Variants in XKR5 observed in about 807,000 individuals in gnomAD.
The protein encoded by XKR5 is XK-related protein 5.
In XKR5, 46 loss-of-function variants were observed where a neutral mutation model predicts 40.8. That is an observed-to-expected ratio of 1.13 (90% CI 0.89 to 1.44). The LOEUF (loss-of-function observed/expected upper bound fraction) is 1.44. Ranked by LOEUF, XKR5 falls within the 40% of genes most tolerant of loss-of-function variation. The pLI is 0.00. For synonymous variants in XKR5, 466 were observed against 356.1 expected, an observed-to-expected ratio of 1.31 and a Z score of -3.48; for missense variants, 1,169 against 844.7, an observed-to-expected ratio of 1.38 and a Z score of -4.76.
At chr8:6,814,222 AT>A (rs1395971195) in intron 6 of XKR5, among the ~76,000 whole-genome samples, 1 of 152,206 alleles carries the variant, frequency 6.6e-6, no homozygotes, top group African/African-American at 2.4e-5. Flanking sequence ...TCAAATGATT[AT>A]TTTAAAAAGG....
chr8:6,824,792 G>A (rs560376540), intron 3 of XKR5, among the ~76,000 whole-genome samples: 1 of 152,180 alleles, frequency 6.6e-6, no homozygotes, highest in Non-Finnish European at 1.5e-5. Context: ...CAAAGTGCTG[G>A]GACTACAGGT....
intron 6 of XKR5, among the ~76,000 whole-genome samples, chr8:6,813,003 G>A (rs776213093): frequency 2.0e-5 from 3 of 152,222 alleles, no homozygotes; most frequent in Admixed American, 6.5e-5. Flanking sequence ...AGCCTCCCAC[G>A]TTATTTCCAG....
intron 2 of XKR5, among the ~76,000 whole-genome samples, chr8:6,826,285 T>C (rs973549274): frequency 1.1e-4 from 16 of 152,060 alleles, no homozygotes; most frequent in Admixed American, 3.9e-4. Flanking sequence ...TATGTGTGTA[T>C]ATTCATGTAT....
Position 6,819,840 on chromosome 8 carries a change from TC to T in XKR5, c.807+2028del, listed in dbSNP as rs1295887135. 2.8e-3 allele frequency among the ~76,000 whole-genome samples: 147 copies of T among 52,050 alleles called. 2 individuals carry two copies. The highest frequency in any genetic ancestry group is 0.019 in the East Asian group (9 of 476). 34.1% of individuals were successfully genotyped at this position (52,050 alleles called of 152,430 possible). ...TCCTCTTCCCTACCTTCCTTCCTCT[TC>T]CCTACCTTCCTTTCCTTCCTTCCTT... On this transcript the variant is annotated intron_variant, in intron 5 of 6. Transcript: ENST00000618742.
intron 2 of XKR5, among the ~76,000 whole-genome samples, chr8:6,830,142 C>T (rs1018253242): frequency 1.2e-4 from 18 of 152,232 alleles, no homozygotes; most frequent in African/African-American, 4.3e-4. Context: ...AGGCCTCAAT[C>T]CTTGCATTTT....
intron 4 of XKR5, among the ~76,000 whole-genome samples, chr8:6,822,603 G>T (rs969119548): frequency 3.3e-5 from 5 of 152,112 alleles, no homozygotes; most frequent in African/African-American, 1.2e-4. Flanking sequence ...TTCAATGTTT[G>T]CTCTAGGCCC....
intron 5 of XKR5, among the ~76,000 whole-genome samples, chr8:6,821,288 G>A (rs1048350960): frequency 2.6e-5 from 4 of 152,202 alleles, no homozygotes; most frequent in African/African-American, 4.8e-5. Flanking sequence ...CTGACGAGAG[G>A]TGATGCTGGC....
At chr8:6,816,510 C>A (rs1316563787) in intron 5 of XKR5, among the ~76,000 whole-genome samples, 1 of 151,970 alleles carries the variant, frequency 6.6e-6, no homozygotes, top group Admixed American at 6.6e-5. Flanking sequence ...CTTTGTACGC[C>A]CATCTGGGTC....
chr8:6,818,002 A>T (rs1479409084), intron 5 of XKR5, among the ~76,000 whole-genome samples: 1 of 152,066 alleles, frequency 6.6e-6, no homozygotes, highest in African/African-American at 2.4e-5. Flanking sequence ...AAGCCCCCGG[A>T]TGTTCCTCCT....
At chr8:6,815,762 A>G in intron 6 of XKR5, 45 bp downstream of exon 6, 1 of 1,364,764 alleles carries the variant, frequency 7.3e-7, no homozygotes, top group Non-Finnish European at 1.0e-6. Context: ...AAAAAAAAAT[A>G]CGTTGGGGAG....
rs377142028 is a variant in XKR5, at chr8:6,823,575, G to C, written c.583C>G (p.Leu195Val). 1.9e-6 allele frequency: 3 copies of C among 1,596,810 alleles called. No individual in the cohort carries two copies. Among genetic ancestry groups the C allele is most frequent in the Admixed American group, 3.5e-5 (2 of 57,462 alleles). ...GCTTTGTAGAACAGAACCAGACTCA[G>C]CACGCGGGTTCCCAACATGCCCATC... ...WRMGMLGTRV[L>V]SLVLFYKAYH... The change falls in exon 4 of 7, where the codon CTG (leucine) becomes GTG (valine). Residue 195 changes from leucine (L) to valine (V), a missense_variant. Leu to Val is a conservative substitution (Grantham distance 32, BLOSUM62 1). Transcript: ENST00000618742.
At chr8:6,822,281 G>C (rs1190644626) in intron 4 of XKR5, among the ~76,000 whole-genome samples, 1 of 152,210 alleles carries the variant, frequency 6.6e-6, no homozygotes. Context: ...ACACAAGAAA[G>C]AGTAGCTTCA....
chr8:6,823,306 C>G (rs1338089817), intron 4 of XKR5, among the ~76,000 whole-genome samples: 1 of 152,194 alleles, frequency 6.6e-6, no homozygotes, highest in East Asian at 1.9e-4. Context: ...CATTGCAATT[C>G]TCAGCTGCTA....
At position 6,825,165 on chromosome 8, in the gene XKR5, C is replaced by T. The variant is rs375324985; in HGVS notation, c.427G>A (p.Gly143Arg). The T allele has an allele frequency of 3.7e-6, 6 of 1,613,476 alleles. No individual in the cohort carries two copies. The African/African-American group carries it at 8.0e-5, about 22-fold the overall frequency. Reference sequence around the variant, plus strand: ...GTGCTCTGTGGTGACAGTTACTCACCTGGCACAATATCTGTGAAGTCTGAG... The same window carrying T: ...GTGCTCTGTGGTGACAGTTACTCACTTGGCACAATATCTGTGAAGTCTGAG... ...LASDFTDIVP[G>R]VSTLFSWSSL... The change falls in exon 3 of 7, where the codon GGG becomes AGG. Residue 143 changes from glycine to arginine, a missense_variant and splice_region_variant. Physicochemically the swap from Gly to Arg is moderately radical, Grantham distance 125. Transcript: ENST00000618742.
rs1475039170 is a variant in XKR5 at position 6,811,780 on chromosome 8, A to T, written c.1479T>A (p.Asp493Glu). ...TCTGGGTAGGTGCTTCATCCTGCTG[A>T]TCGCTGGCAAAAGATACGTAACTTG... ...ETSSYVSFAS[D>E]QQDEAPTQNP... Residue 493 changes from aspartate (D) to glutamate (E), a missense_variant, in exon 7 of 7, where the codon GAT (aspartate) becomes GAA (glutamate). Coordinates refer to ENST00000618742, the MANE Select transcript of XKR5 (RefSeq NM_207411.5). 1 of 1,537,548 alleles carries T rather than the reference A, an allele frequency of 6.5e-7. No homozygotes were observed. Among genetic ancestry groups the T allele is most frequent in the South Asian group, 1.2e-5 (1 of 84,058 alleles).
chr8:6,817,938 T>G (rs1804037446), intron 5 of XKR5, among the ~76,000 whole-genome samples: 1 of 152,168 alleles, frequency 6.6e-6, no homozygotes, highest in African/African-American at 2.4e-5. Context: ...CACACTCACA[T>G]TTACGATCCC....
chr8:6,825,542 G>A (rs893327775), intron 2 of XKR5, among the ~76,000 whole-genome samples, 193 bp from the exon 3 acceptor site: 1 of 151,504 alleles, frequency 6.6e-6, no homozygotes, highest in Non-Finnish European at 1.5e-5. Context: ...AGTTCCCCGA[G>A]TCCTGTGGTG....
intron 6 of XKR5, among the ~76,000 whole-genome samples, chr8:6,815,419 G>C (rs1803911072): frequency 6.6e-6 from 1 of 152,108 alleles, no homozygotes; most frequent in Non-Finnish European, 1.5e-5. Context: ...TCCTCTGCTA[G>C]GGCACCCACT....
rs892103988 is a variant in XKR5 at position 6,809,229 on chromosome 8, T to C, written c.*1969A>G. The C allele has an allele frequency of 2.0e-5, 3 of 152,186 alleles. No individual in the cohort carries two copies. The highest frequency in any genetic ancestry group is 7.2e-5 in the African/African-American group (3 of 41,412). 9.4% of individuals were successfully genotyped at this position (152,186 alleles called of 1,614,324 possible). ...TCACCTGGCTGGGCGAGAGACTGCATGGAGGAAGGACTGAGATGCTGGGAT... is the reference window on the plus strand; with the variant it reads ...TCACCTGGCTGGGCGAGAGACTGCACGGAGGAAGGACTGAGATGCTGGGAT... On this transcript the variant is annotated 3_prime_UTR_variant, in exon 7 of 7. Transcript: ENST00000618742.
Sources: gnomAD v4.1 joint callset for allele counts (sites outside exome capture counted in the v4.1 genomes callset) on GRCh38, gnomAD v4.1.1 for gene constraint, MANE v1.5 for transcripts, NCBI Gene and HGNC (gene_info 2026-07-23, HGNC 2026-07-21) for gene names.